RBFOX1: variants seen among roughly 807,000 people sequenced by gnomAD.
RBFOX1 encodes RNA binding protein fox-1 homolog 1.
Under a neutral mutation model 57.7 loss-of-function variants are expected in RBFOX1, and 8 were observed. The observed-to-expected ratio is 0.14, with a 90% CI of 0.08 to 0.25. RBFOX1 has a LOEUF of 0.25. RBFOX1 is among the 10% of genes least tolerant of loss of function. RBFOX1 has a pLI of 1.00. For synonymous variants in RBFOX1, 326 were observed against 222.4 expected (o/e 1.47, Z -4.15); for missense variants, 611 against 548.5 (o/e 1.11, Z -1.14).
rs560145768 is a variant in RBFOX1 at position 5,846,276 on chromosome 16, A to G, written c.319-21027A>G. Among the ~76,000 whole-genome samples, 537 of 152,218 alleles carry G rather than the reference A, an allele frequency of 3.5e-3. 6 individuals are homozygous for G. The highest frequency in any genetic ancestry group is 0.027 in the Middle Eastern group (8 of 294). On this transcript the variant is annotated intron_variant, in intron 3 of 19. Coordinates refer to the RBFOX1 transcript ENST00000641259. ...AGGCCCAGTAGTAGCATCTTTGATG[A>G]AAGAAGAGAGTGGAGAAAAGGAGGA...
At chr16:5,578,176 T>C (rs1415798008) in intron 2 of RBFOX1, among the ~76,000 whole-genome samples, 2 of 152,136 alleles carry the variant, frequency 1.3e-5, no homozygotes, top group Non-Finnish European at 2.9e-5. Context: ...GGTTTTGATC[T>C]CTTGACCTCG....
intron 3 of RBFOX1, among the ~76,000 whole-genome samples, chr16:6,717,940 G>A (rs139673801): frequency 1.3e-5 from 2 of 152,296 alleles, no homozygotes; most frequent in East Asian, 1.9e-4. Context: ...CCACATAGTG[G>A]TCAGTGGCTT....
intron 3 of RBFOX1, among the ~76,000 whole-genome samples, chr16:5,683,143 G>GGGTGGA: frequency 6.6e-6 from 1 of 151,816 alleles, no homozygotes; most frequent in Non-Finnish European, 1.5e-5. Context: ...TGTGTGTTGG[G>GGGTGGA]GGTGGAGGTG....
intron 2 of RBFOX1, among the ~76,000 whole-genome samples, chr16:6,447,908 A>G (rs2094516514): frequency 6.6e-6 from 1 of 152,134 alleles, no homozygotes; most frequent in Non-Finnish European, 1.5e-5. Flanking sequence ...GAGTGACATC[A>G]CACACGCTGT....
At chr16:7,523,919 C>G (rs2078083570) in intron 5 of RBFOX1, among the ~76,000 whole-genome samples, 1 of 152,168 alleles carries the variant, frequency 6.6e-6, no homozygotes, top group Non-Finnish European at 1.5e-5. Context: ...GTCTTCACTC[C>G]AGGTTCTGAA....
intron 2 of RBFOX1, among the ~76,000 whole-genome samples, chr16:6,551,789 G>C (rs139007956): frequency 6.6e-6 from 1 of 152,204 alleles, no homozygotes; most frequent in African/African-American, 2.4e-5. Flanking sequence ...CAACCGGGAC[G>C]TCAGAGCTAC....
intron 5 of RBFOX1, among the ~76,000 whole-genome samples, chr16:7,531,645 C>G (rs1181876193): frequency 1.3e-5 from 2 of 152,140 alleles, no homozygotes; most frequent in Non-Finnish European, 2.9e-5. Context: ...TAGGTGTGAT[C>G]ATACCACGAT....
At chr16:6,879,946 C>T (rs1388805) in intron 3 of RBFOX1, among the ~76,000 whole-genome samples, 119,969 of 152,126 alleles carry the variant, frequency 0.79, 48,181 homozygotes, top group African/African-American at 0.94. Context: ...ATCATTTCTT[C>T]TATCTGTTCA....
intron 4 of RBFOX1, among the ~76,000 whole-genome samples, chr16:7,347,375 G>A (rs1439005611): frequency 6.6e-6 from 1 of 152,130 alleles, no homozygotes; most frequent in Non-Finnish European, 1.5e-5. Flanking sequence ...GAGAGCTCGT[G>A]CAGGGAAACT....
chr16:6,947,127 A>G (rs534163295), intron 3 of RBFOX1, among the ~76,000 whole-genome samples: 2 of 152,304 alleles, frequency 1.3e-5, no homozygotes, highest in Non-Finnish European at 2.9e-5. Flanking sequence ...TTAAACTCTT[A>G]GCACATAACC....
At chr16:6,680,739 T>G (rs186359193) in intron 3 of RBFOX1, among the ~76,000 whole-genome samples, 20 of 152,326 alleles carry the variant, frequency 1.3e-4, no homozygotes, top group South Asian at 4.1e-4. Flanking sequence ...TTTACATGTT[T>G]GTGTTTTATC....
At chr16:6,422,187 G>A (rs2093793898) in intron 2 of RBFOX1, among the ~76,000 whole-genome samples, 1 of 150,536 alleles carries the variant, frequency 6.6e-6, no homozygotes, top group South Asian at 2.1e-4. Context: ...CTCCCAAAAT[G>A]TTGACATTAC....
intron 2 of RBFOX1, among the ~76,000 whole-genome samples, chr16:6,393,107 G>T (rs150265874): frequency 4.6e-5 from 7 of 152,320 alleles, no homozygotes; most frequent in Non-Finnish European, 1.0e-4. Context: ...TGTTTGGGAG[G>T]CTTTAACTAT....
intron 3 of RBFOX1, among the ~76,000 whole-genome samples, chr16:5,645,990 C>T (rs1478672662): frequency 1.3e-5 from 2 of 151,924 alleles, no homozygotes; most frequent in South Asian, 2.1e-4. Context: ...CAAGTACTAC[C>T]GCACCTGGCT....
At chr16:6,281,190 G>A (rs534979571) in intron 1 of RBFOX1, among the ~76,000 whole-genome samples, 1 of 152,100 alleles carries the variant, frequency 6.6e-6, no homozygotes, top group South Asian at 2.1e-4. Flanking sequence ...ATACTGTGCA[G>A]CCAACTTTCA....
intron 1 of RBFOX1, among the ~76,000 whole-genome samples, chr16:5,441,492 G>A (rs2068083199): frequency 1.3e-5 from 2 of 151,156 alleles, no homozygotes; most frequent in Non-Finnish European, 1.5e-5. Context: ...AGCCTCCCAA[G>A]TAGCTGGGGT....
At chr16:7,143,919 T>C (rs1275944553) in intron 4 of RBFOX1, among the ~76,000 whole-genome samples, 1 of 152,176 alleles carries the variant, frequency 6.6e-6, no homozygotes, top group Non-Finnish European at 1.5e-5. Context: ...GTAATGTCTA[T>C]TCACAGACAA....
At chr16:7,131,226 G>T (rs1473158589) in intron 4 of RBFOX1, among the ~76,000 whole-genome samples, 1 of 151,824 alleles carries the variant, frequency 6.6e-6, no homozygotes, top group Non-Finnish European at 1.5e-5. Flanking sequence ...CACACCTGTA[G>T]TCTCAGCTAC....
chr16:6,569,564 A>G (rs907312694), intron 2 of RBFOX1, among the ~76,000 whole-genome samples: 1 of 152,206 alleles, frequency 6.6e-6, no homozygotes, highest in African/African-American at 2.4e-5. Context: ...CTGGCAAGCT[A>G]TGAGCTGTAA....
Sources: gnomAD v4.1 joint callset for allele counts (sites outside exome capture counted in the v4.1 genomes callset) on GRCh38, gnomAD v4.1.1 for gene constraint, MANE v1.5 for transcripts, NCBI Gene and HGNC (gene_info 2026-07-23, HGNC 2026-07-21) for gene names.